Variants in IRX2 observed in about 807,000 individuals in gnomAD.
IRX2 encodes iroquois-class homeodomain protein IRX-2.
In IRX2, 26 loss-of-function variants were observed where a neutral mutation model predicts 42.9. The ratio of observed to expected loss-of-function variants is 0.61; its 90% CI spans 0.44 to 0.84. The LOEUF is 0.84. Among genes scored for constraint, IRX2 ranks in the 40% least tolerant of loss-of-function variants. IRX2 has a pLI of 0.00. For missense variants in IRX2, 782 were observed against 713.9 expected (o/e 1.10, Z -1.09); for synonymous variants, 424 against 353.9 (o/e 1.20, Z -2.22).
intron 1 of IRX2, among the ~76,000 whole-genome samples, chr5:2,750,623 C>T (rs191298097): frequency 2.2e-3 from 331 of 152,342 alleles, no homozygotes; most frequent in African/African-American, 7.4e-3. Flanking sequence ...AGAGTAAGGC[C>T]GAAACCTGGG....
At chr5:2,743,317 A>G (rs963637118), downstream of IRX2, among the ~76,000 whole-genome samples, 5 of 152,198 alleles carry the variant, frequency 3.3e-5, no homozygotes, top group Admixed American at 1.3e-4. Context: ...TGCAGAAACA[A>G]TAACTCTTTT....
chr5:2,744,268 G>A (rs1466883734), downstream of IRX2, among the ~76,000 whole-genome samples: 2 of 152,132 alleles, frequency 1.3e-5, no homozygotes, highest in Non-Finnish European at 2.9e-5. Flanking sequence ...GAAATGTACT[G>A]CCTTAAATGT....
chr5:2,748,538 G>A lies in IRX2; in HGVS notation c.1170C>T (p.Gly390=). 1 of 1,578,634 alleles carries A rather than the reference G, an allele frequency of 6.3e-7. No individual in the cohort carries two copies. The highest frequency in any genetic ancestry group is 1.1e-5 in the South Asian group (1 of 88,550). ...TCAAGTTCCCGTAGTTTGTGTAGTT[G>A]CCGTAGAAGGGCGACGTGTAGTAGA... ...RPLYYTSPFY[G]NYTNYGNLNA... The change falls in exon 3 of 4, where the codon GGC becomes GGT. Residue 390 remains glycine, a synonymous_variant. Coordinates refer to ENST00000302057, the MANE Select transcript of IRX2 (RefSeq NM_033267.5).
Position 2,748,887 on chromosome 5 carries a change from T to G in IRX2, c.821A>C (p.Glu274Ala). Reference protein sequence around the residue: ...EDDEDDDEEGERGLAPPKPVT... With the variant: ...EDDEDDDEEGARGLAPPKPVT... ...GGGCTTGGGCGGCGCCAGGCCCCGC[T>G]CGCCCTCCTCGTCGTCGTCCTCGTC... Residue 274 changes from glutamate (E) to alanine (A), a missense_variant, in exon 3 of 4, where the codon GAG (glutamate) becomes GCG (alanine). This residue lies in a region of IRX2 where 520 missense variants were observed against 437.8 expected (regional missense o/e 1.19). Transcript: ENST00000302057. 6.3e-7 allele frequency: 1 copy of G among 1,595,396 alleles called. No homozygotes were observed. Among genetic ancestry groups the G allele is most frequent in the Non-Finnish European group, 8.5e-7 (1 of 1,178,936 alleles).
downstream of IRX2, among the ~76,000 whole-genome samples, chr5:2,744,062 G>A (rs1404095970): frequency 6.8e-6 from 1 of 147,916 alleles, no homozygotes; most frequent in Non-Finnish European, 1.5e-5. Flanking sequence ...TGTCCTCCCA[G>A]AGAATGGAGT....
chr5:2,749,784 C>A lies in IRX2; in HGVS notation c.253G>T (p.Ala85Ser), dbSNP rs757939762. Residue 85 changes from alanine to serine, a missense_variant, in exon 2 of 4, where the codon GCA becomes TCA. Physicochemically the swap from Ala to Ser is moderately conservative, Grantham distance 99. This residue lies in a region of IRX2 where 256 missense variants were observed against 250.0 expected (regional missense o/e 1.02). Coordinates refer to ENST00000302057, the MANE Select transcript of IRX2 (RefSeq NM_033267.5). ...CCGGTGGTGTGCGCGTCGTAGGGTG[C>A]GCCCTGGAACCAACAAGAGCCTGTG... ...AAAGFPSYMG[A>S]PYDAHTTGMT... The A allele has an allele frequency of 1.9e-6, 3 of 1,599,526 alleles. No individual in the cohort carries two copies. Among genetic ancestry groups the A allele is most frequent in the South Asian group, 2.2e-5 (2 of 89,584 alleles).
chr5:2,751,367 G>A lies in IRX2; in HGVS notation c.47C>T (p.Ala16Val). 1 of 1,428,890 alleles carries A rather than the reference G, an allele frequency of 7.0e-7. No individual in the cohort carries two copies. The highest frequency in any genetic ancestry group is 3.3e-5 in the East Asian group (1 of 30,692). The allele number at this position is 1,428,890 out of a possible 1,614,324, so 88.5% of individuals were successfully genotyped here. A position where few individuals can be genotyped will look rare whatever the true frequency, so the allele number is the denominator to read the frequency against. Residue 16 changes from alanine to valine, a missense_variant, in exon 1 of 4, where the codon GCG becomes GTG. By Grantham distance (64) the Ala-to-Val change is moderately conservative (BLOSUM62 0). Coordinates refer to ENST00000302057, the MANE Select transcript of IRX2 (RefSeq NM_033267.5). The surrounding 1 kb of genome is among the most constrained non-coding windows in gnomAD (Gnocchi z 4.0). ...GYLYQAPGSLALYSCPAYGAS... is the reference protein window; with the variant it reads ...GYLYQAPGSLVLYSCPAYGAS... ...GCCGTAGGCCGGGCACGAGTAGAGC[G>A]CCAGCGAGCCGGGCGCCTGGTACAG...
rs1737716466 is a variant in IRX2 at position 2,747,524 on chromosome 5, C to T, written c.*40G>A. 5 of 1,597,092 alleles carry T rather than the reference C, an allele frequency of 3.1e-6. No homozygotes were observed. Among genetic ancestry groups the T allele is most frequent in the Non-Finnish European group, 4.3e-6 (5 of 1,164,950 alleles). On this transcript the variant is annotated 3_prime_UTR_variant, in exon 4 of 4. Transcript: ENST00000302057. Reference sequence around the variant, plus strand: ...GAGGCTCCACAGGGTCTGGGAAGCACCAGGGTGCCCACTTACTTGCATTGC... The same window carrying T: ...GAGGCTCCACAGGGTCTGGGAAGCATCAGGGTGCCCACTTACTTGCATTGC...
the IRX2 span, among the ~76,000 whole-genome samples, chr5:2,738,701 C>A: frequency 1.3e-5 from 2 of 152,112 alleles, no homozygotes; most frequent in Admixed American, 6.5e-5. Flanking sequence ...CCCCATCTGA[C>A]CCTCACCACC....
Position 2,748,851 on chromosome 5 carries a change from G to A in IRX2, c.857C>T (p.Ser286Leu). Residue 286 changes from serine to leucine, a missense_variant, in exon 3 of 4, where the codon TCG becomes TTG. By Grantham distance (145) the Ser-to-Leu change is moderately radical. This residue lies in a region of IRX2 where 520 missense variants were observed against 437.8 expected (regional missense o/e 1.19). Transcript: ENST00000302057. ...GLAPPKPVTSSPLTGLEAPLL... is the reference protein window; with the variant it reads ...GLAPPKPVTSLPLTGLEAPLL... Reference sequence around the variant, plus strand: ...CGGCGCCTCCAAGCCGGTAAGCGGCGACGAGGTCACGGGCTTGGGCGGCGC... The same window carrying A: ...CGGCGCCTCCAAGCCGGTAAGCGGCAACGAGGTCACGGGCTTGGGCGGCGC... The A allele has an allele frequency of 6.3e-7, 1 of 1,579,884 alleles. No individual in the cohort carries two copies. Among genetic ancestry groups the A allele is most frequent in the Non-Finnish European group, 8.5e-7 (1 of 1,172,784 alleles).
chr5:2,738,806 C>CTGAA, the IRX2 span, among the ~76,000 whole-genome samples: 1 of 152,220 alleles, frequency 6.6e-6, no homozygotes, highest in African/African-American at 2.4e-5. Context: ...GACCCTCCAC[C>CTGAA]TGAACTACCC....
rs11960311 is a variant in IRX2 at position 2,747,489 on chromosome 5, T to A, written c.*75A>T. 0.013 allele frequency: 17,071 copies of A among 1,279,314 alleles called. 1,631 individuals are homozygous for A. The African/African-American group carries it at 0.22, about 16-fold the overall frequency. 79.2% of individuals were successfully genotyped at this position (1,279,314 alleles called of 1,614,324 possible). On this transcript the variant is annotated 3_prime_UTR_variant, in exon 4 of 4. Coordinates refer to ENST00000302057, the MANE Select transcript of IRX2 (RefSeq NM_033267.5). ...AAGCAAGAAAAACACATTAAGCAAGTTGGTGCTGGGAGGCTCCACAGGGTC... is the reference window on the plus strand; with the variant it reads ...AAGCAAGAAAAACACATTAAGCAAGATGGTGCTGGGAGGCTCCACAGGGTC...
chr5:2,737,476 C>T, the IRX2 span, among the ~76,000 whole-genome samples: 1 of 152,216 alleles, frequency 6.6e-6, no homozygotes, highest in Non-Finnish European at 1.5e-5. Flanking sequence ...GCAGAGCCTG[C>T]TACGTGGGGC....
chr5:2,737,821 C>T, the IRX2 span: 1 of 152,226 alleles, frequency 6.6e-6, no homozygotes, highest in Non-Finnish European at 1.5e-5. Flanking sequence ...TTCAGAACAC[C>T]GAGATGATTT....
chr5:2,748,859 C>T lies in IRX2; in HGVS notation c.849G>A (p.Val283=), dbSNP rs1478764154. 7 of 1,587,346 alleles carry T rather than the reference C, an allele frequency of 4.4e-6. No individual in the cohort carries two copies. Among genetic ancestry groups the T allele is most frequent in the Non-Finnish European group, 5.1e-6 (6 of 1,175,850 alleles). Residue 283 remains valine, a synonymous_variant, in exon 3 of 4, where the codon GTG becomes GTA. Transcript: ENST00000302057. ...GERGLAPPKP[V]TSSPLTGLEA... ...CCAAGCCGGTAAGCGGCGACGAGGT[C>T]ACGGGCTTGGGCGGCGCCAGGCCCC...
chr5:2,749,828 C>T, intron 1 of IRX2, 41 bp from the exon 2 acceptor site: 1 of 1,535,434 alleles, frequency 6.5e-7, no homozygotes, highest in Non-Finnish European at 8.7e-7. Context: ...ATGCGGAGAC[C>T]CCGCGGGCAA....
At chr5:2,737,141 T>G in the IRX2 span, 1 of 152,214 alleles carries the variant, frequency 6.6e-6, no homozygotes, top group Non-Finnish European at 1.5e-5. Context: ...CCCCAAAACC[T>G]GACACAGAAG....
chr5:2,740,630 G>A, the IRX2 span, among the ~76,000 whole-genome samples: 1 of 152,250 alleles, frequency 6.6e-6, no homozygotes, highest in African/African-American at 2.4e-5. Flanking sequence ...ACCCTGGGTG[G>A]GCGTTTAAGG....
the IRX2 span, among the ~76,000 whole-genome samples, chr5:2,739,093 G>C: frequency 6.6e-6 from 1 of 152,232 alleles, no homozygotes; most frequent in African/African-American, 2.4e-5. Flanking sequence ...GGCGCCGAGA[G>C]CTTCGAGGGG....
Sources: allele counts gnomAD v4.1 joint callset (sites outside exome capture counted in the v4.1 genomes callset), GRCh38; gene constraint gnomAD v4.1.1; regional missense constraint gnomAD v4.1.1; non-coding constraint Gnocchi (gnomAD v3.1); transcripts MANE v1.5; gene names NCBI Gene and HGNC (gene_info 2026-07-23, HGNC 2026-07-21).